Variants in ANO6 observed in about 807,000 individuals in gnomAD.
ANO6 encodes anoctamin-6.
A neutral mutation model predicts 117.5 loss-of-function variants in ANO6; 106 were observed. The observed-to-expected ratio is 0.90, with a 90% confidence interval of 0.77 to 1.06. The LOEUF (loss-of-function observed/expected upper bound fraction) is 1.06, where lower values mean the gene tolerates loss of function less well. Among genes scored for constraint, ANO6 ranks in the 50% least tolerant of loss-of-function variants. The pLI, the probability that ANO6 is intolerant of heterozygous loss-of-function variation, is 0.00. For synonymous variants in ANO6, 367 were observed against 385.1 expected (o/e 0.95, Z 0.55); for missense variants, 955 against 1,121.1 (o/e 0.85, Z 2.12).
intron 9 of ANO6, among the ~76,000 whole-genome samples, chr12:45,368,009 G>A (rs552387656): frequency 6.6e-6 from 1 of 152,232 alleles, no homozygotes; most frequent in East Asian, 1.9e-4. Context: ...ATCTCATAGA[G>A]TGTCAGTGAG....
intron 1 of ANO6, among the ~76,000 whole-genome samples, chr12:45,230,498 A>C (rs1485586929): frequency 6.6e-6 from 1 of 150,618 alleles, no homozygotes; most frequent in Non-Finnish European, 1.5e-5. Flanking sequence ...TAAAATATAC[A>C]AGGGATGGTT....
intron 12 of ANO6, among the ~76,000 whole-genome samples, chr12:45,399,573 T>C (rs1357490174): frequency 6.6e-6 from 1 of 152,114 alleles, no homozygotes; most frequent in Non-Finnish European, 1.5e-5. Flanking sequence ...GTCTCCTCAC[T>C]TCTCAGTGGC....
At chr12:45,290,917 G>A (rs1036485429) in intron 1 of ANO6, among the ~76,000 whole-genome samples, 2 of 152,282 alleles carry the variant, frequency 1.3e-5, no homozygotes, top group South Asian at 4.1e-4. Flanking sequence ...GATCAAAATA[G>A]TGTGGTCTTG....
At chr12:45,234,441 T>G (rs146040152) in intron 1 of ANO6, among the ~76,000 whole-genome samples, 1 of 152,226 alleles carries the variant, frequency 6.6e-6, no homozygotes, top group East Asian at 1.9e-4. Context: ...CAAACAGATA[T>G]TGTTAGTCTC....
At chr12:45,238,335 G>C (rs1947681132) in intron 1 of ANO6, among the ~76,000 whole-genome samples, 1 of 151,838 alleles carries the variant, frequency 6.6e-6, no homozygotes, top group Non-Finnish European at 1.5e-5. Context: ...ATTTTTAGTA[G>C]AGACGGGGTT....
intron 3 of ANO6, among the ~76,000 whole-genome samples, chr12:45,344,428 G>A (rs904788046): frequency 1.3e-5 from 2 of 152,144 alleles, no homozygotes; most frequent in Non-Finnish European, 2.9e-5. Context: ...GGCTGTACAG[G>A]AGGCCTCAGG....
At chr12:45,332,097 T>G (rs1940683321) in intron 3 of ANO6, among the ~76,000 whole-genome samples, 1 of 152,032 alleles carries the variant, frequency 6.6e-6, no homozygotes, top group South Asian at 2.1e-4. Context: ...CATCTTTATC[T>G]CAGGATATTA....
chr12:45,286,127 T>C (rs1938906321), intron 1 of ANO6, among the ~76,000 whole-genome samples: 1 of 152,178 alleles, frequency 6.6e-6, no homozygotes, highest in African/African-American at 2.4e-5. Flanking sequence ...CTGTTTTACC[T>C]CTGAGCAGCA....
rs3803178 is a variant in ANO6, at chr12:45,430,798, C to T, written c.*1487C>T. On this transcript the variant is annotated 3_prime_UTR_variant, in exon 20 of 20. Coordinates refer to ENST00000320560, the MANE Select transcript of ANO6 (RefSeq NM_001025356.3). ...CCTTGTAAGTGTCAGGCCTCCTGGG[C>T]GCTCTGGAAAAGACAGGGAGCCAGG... 0.048 allele frequency: 47,410 copies of T among 985,282 alleles called. 1,619 individuals carry two copies. The highest frequency in any genetic ancestry group is 0.31 in the East Asian group (2,760 of 8,770). 61.0% of individuals were successfully genotyped at this position (985,282 alleles called of 1,614,324 possible).
chr12:45,292,733 T>G, intron 1 of ANO6: 1 of 1,406,202 alleles, frequency 7.1e-7, no homozygotes, highest in South Asian at 1.6e-5. Flanking sequence ...TAAGCAGAGC[T>G]GAAACAACAC....
intron 3 of ANO6, among the ~76,000 whole-genome samples, chr12:45,345,904 C>T (rs1197697404): frequency 6.8e-6 from 1 of 146,998 alleles, no homozygotes; most frequent in Non-Finnish European, 1.5e-5. Flanking sequence ...ATCAAGGGGG[C>T]TGGCATCTGG....
chr12:45,219,321 A>G (rs1947361746), intron 1 of ANO6, among the ~76,000 whole-genome samples: 1 of 152,026 alleles, frequency 6.6e-6, no homozygotes, highest in Non-Finnish European at 1.5e-5. Context: ...TACTTTTGAA[A>G]CACTGTATTT....
At chr12:45,266,461 T>C (rs1390188216) in intron 1 of ANO6, among the ~76,000 whole-genome samples, 1 of 152,218 alleles carries the variant, frequency 6.6e-6, no homozygotes, top group African/African-American at 2.4e-5. Flanking sequence ...TGTTTTTCCA[T>C]ACTTGTTTTA....
intron 1 of ANO6, among the ~76,000 whole-genome samples, chr12:45,251,152 A>G (rs1947896175): frequency 6.6e-6 from 1 of 152,174 alleles, no homozygotes; most frequent in African/African-American, 2.4e-5. Context: ...AGCTCTTTGA[A>G]AGAACAGAGC....
intron 3 of ANO6, among the ~76,000 whole-genome samples, chr12:45,345,282 G>C (rs544519175): frequency 6.6e-6 from 1 of 152,268 alleles, no homozygotes; most frequent in South Asian, 2.1e-4. Context: ...CAAATACCAG[G>C]TATATTCTTT....
intron 16 of ANO6, among the ~76,000 whole-genome samples, chr12:45,416,000 G>A (rs542716291): frequency 1.4e-4 from 21 of 152,072 alleles, no homozygotes; most frequent in African/African-American, 2.4e-4. Context: ...TAATAAGGCC[G>A]TGTCAATTAC....
At chr12:45,244,182 T>C (rs1947787340) in intron 1 of ANO6, among the ~76,000 whole-genome samples, 1 of 152,218 alleles carries the variant, frequency 6.6e-6, no homozygotes, top group African/African-American at 2.4e-5. Context: ...TGTCGCCTTA[T>C]TTTTGTTGTA....
intron 10 of ANO6, among the ~76,000 whole-genome samples, chr12:45,384,439 C>T (rs2137564561): frequency 6.6e-6 from 1 of 152,320 alleles, no homozygotes; most frequent in African/African-American, 2.4e-5. Context: ...ATATGCCTTC[C>T]TCACTAAACT....
At chr12:45,415,840 T>C (rs559588250) in intron 16 of ANO6, among the ~76,000 whole-genome samples, 31 of 152,318 alleles carry the variant, frequency 2.0e-4, no homozygotes, top group Non-Finnish European at 2.5e-4. Flanking sequence ...CTCTATGTTT[T>C]CCTCCCATCC....
Sources: gnomAD v4.1 joint callset for allele counts (sites outside exome capture counted in the v4.1 genomes callset) on GRCh38, gnomAD v4.1.1 for gene constraint, MANE v1.5 for transcripts, NCBI Gene and HGNC (gene_info 2026-07-23, HGNC 2026-07-21) for gene names.